PDE1C: variants seen among roughly 807,000 people sequenced by gnomAD.
PDE1C encodes the protein phosphodiesterase 1C.
A neutral mutation model predicts 93.1 loss-of-function variants in PDE1C; 62 were observed. The observed-to-expected ratio is 0.67, with a 90% CI of 0.54 to 0.82. The LOEUF (loss-of-function observed/expected upper bound fraction) is 0.82, where lower values mean the gene tolerates loss of function less well. Among genes scored for constraint, PDE1C ranks in the 40% least tolerant of loss-of-function variants. The pLI is 0.00. For missense variants in PDE1C, 742 were observed against 884.6 expected (o/e 0.84, Z 2.04); for synonymous variants, 325 against 310.1 (o/e 1.05, Z -0.50).
chr7:31,910,782 G>GA (rs1453737291), intron 2 of PDE1C, among the ~76,000 whole-genome samples: 1 of 152,146 alleles, frequency 6.6e-6, no homozygotes, highest in Non-Finnish European at 1.5e-5. Flanking sequence ...TGTCAAGGGG[G>GA]AAAATAGCAG....
chr7:32,147,760 C>G (rs576787141), intron 3 of PDE1C, among the ~76,000 whole-genome samples: 19 of 152,108 alleles, frequency 1.2e-4, no homozygotes, highest in Middle Eastern at 3.4e-3. Flanking sequence ...CCATCGCCCC[C>G]TGAGGGGTTG....
chr7:32,413,303 G>A (rs1023186258), intron 1 of PDE1C, among the ~76,000 whole-genome samples: 13 of 152,130 alleles, frequency 8.5e-5, no homozygotes, highest in Non-Finnish European at 1.2e-4. Flanking sequence ...GTTAATGGTC[G>A]TATCTGAGTA....
At chr7:31,830,528 G>T (rs567801910) in intron 11 of PDE1C, among the ~76,000 whole-genome samples, 124 of 152,272 alleles carry the variant, frequency 8.1e-4, no homozygotes, top group African/African-American at 2.7e-3. Context: ...TTGAATAAAT[G>T]AAAAGACTAA....
chr7:32,192,706 T>C (rs1344739682), intron 2 of PDE1C, among the ~76,000 whole-genome samples: 1 of 152,122 alleles, frequency 6.6e-6, no homozygotes, highest in Non-Finnish European at 1.5e-5. Context: ...AATACTCTCA[T>C]CTATATAAAA....
At chr7:32,392,425 G>T (rs1427674870) in intron 1 of PDE1C, among the ~76,000 whole-genome samples, 1 of 152,116 alleles carries the variant, frequency 6.6e-6, no homozygotes, top group Non-Finnish European at 1.5e-5. Flanking sequence ...GGGAAGAGGG[G>T]ATATTCCCAA....
intron 1 of PDE1C, among the ~76,000 whole-genome samples, chr7:32,350,573 TA>T (rs1562686545): frequency 0.065 from 323 of 4,954 alleles, 91 homozygotes; most frequent in East Asian, 0.083. Flanking sequence ...TATATATATA[TA>T]TATATATATA....
intron 2 of PDE1C, among the ~76,000 whole-genome samples, chr7:31,946,424 A>AT (rs1451702329): frequency 6.6e-6 from 1 of 152,150 alleles, no homozygotes; most frequent in African/African-American, 2.4e-5. Context: ...GGCTCAGGGC[A>AT]TAAAACCCCT....
intron 3 of PDE1C, among the ~76,000 whole-genome samples, chr7:32,122,818 A>G (rs945557780): frequency 6.6e-6 from 1 of 152,214 alleles, no homozygotes; most frequent in Admixed American, 6.5e-5. Context: ...GAGAAGCAAG[A>G]GCAAACTAAT....
chr7:32,139,300 C>CT (rs34277412), intron 3 of PDE1C, among the ~76,000 whole-genome samples: 4,021 of 82,928 alleles, frequency 0.048, 173 homozygotes, highest in African/African-American at 0.067. Flanking sequence ...CAAAATCAAC[C>CT]TTTTTTTTTT....
chr7:32,302,919 C>A (rs1251405010), upstream of PDE1C, among the ~76,000 whole-genome samples: 1 of 152,146 alleles, frequency 6.6e-6, no homozygotes, highest in Non-Finnish European at 1.5e-5. Flanking sequence ...GTGCACACAC[C>A]TCATGGACAC....
At chr7:32,358,560 G>A (rs1277384830) in intron 1 of PDE1C, among the ~76,000 whole-genome samples, 1 of 152,042 alleles carries the variant, frequency 6.6e-6, no homozygotes, top group Non-Finnish European at 1.5e-5. Context: ...GTGGAAAGTG[G>A]GGCAGAGACT....
intron 3 of PDE1C, among the ~76,000 whole-genome samples, chr7:32,110,552 T>C (rs1456623710): frequency 6.6e-6 from 1 of 152,164 alleles, no homozygotes; most frequent in Non-Finnish European, 1.5e-5. Flanking sequence ...AAGATGCCAA[T>C]GAATCATCAT....
chr7:31,620,301 C>T, the PDE1C span, among the ~76,000 whole-genome samples: 4 of 152,102 alleles, frequency 2.6e-5, no homozygotes, highest in Non-Finnish European at 5.9e-5. Flanking sequence ...GGGCAGACTG[C>T]CTCCTCAAGT....
intron 16 of PDE1C, among the ~76,000 whole-genome samples, chr7:31,794,101 C>T (rs7810347): frequency 0.28 from 36,233 of 127,916 alleles, 5,705 homozygotes; most frequent in African/African-American, 0.46. Context: ...GATAGATAGA[C>T]AGATAGATGG....
chr7:31,816,604 T>C (rs544502996), intron 14 of PDE1C, among the ~76,000 whole-genome samples: 1 of 152,110 alleles, frequency 6.6e-6, no homozygotes, highest in African/African-American at 2.4e-5. Flanking sequence ...AACTTTCCCA[T>C]AGCCACAGTA....
the PDE1C span, chr7:31,697,070 C>G: frequency 6.2e-7 from 1 of 1,614,058 alleles, no homozygotes; most frequent in Non-Finnish European, 8.5e-7. Flanking sequence ...CAGAAAAAGC[C>G]AAGGAGAAAA....
chr7:32,390,269 A>T (rs1172656622), intron 1 of PDE1C, among the ~76,000 whole-genome samples: 1 of 152,100 alleles, frequency 6.6e-6, no homozygotes, highest in East Asian at 1.9e-4. Context: ...TATTAATATC[A>T]AGTAGATTGT....
chr7:32,056,336 C>CTT (rs1461142685), intron 1 of PDE1C, among the ~76,000 whole-genome samples: 1 of 119,258 alleles, frequency 8.4e-6, no homozygotes, highest in Admixed American at 8.4e-5. Flanking sequence ...CTCTCTCTCT[C>CTT]TCTCTCTCTC....
At chr7:32,311,953 G>A (rs369522803) in intron 1 of PDE1C, among the ~76,000 whole-genome samples, 6,514 of 151,420 alleles carry the variant, frequency 0.043, 197 homozygotes, top group African/African-American at 0.081. Context: ...TAGGAAAAGA[G>A]GAAGTCAAAT....
Sources: allele counts gnomAD v4.1 joint callset (sites outside exome capture counted in the v4.1 genomes callset), GRCh38; gene constraint gnomAD v4.1.1; transcripts MANE v1.5; gene names NCBI Gene and HGNC (gene_info 2026-07-23, HGNC 2026-07-21).